Variants in TCERG1L observed in about 807,000 individuals in gnomAD.
The protein encoded by TCERG1L is transcription elongation regulator 1 like.
A neutral mutation model predicts 56.3 loss-of-function variants in TCERG1L; 37 were observed. That is an observed-to-expected ratio of 0.66 (90% CI 0.51 to 0.87). The LOEUF is 0.87. TCERG1L is among the 40% of genes least tolerant of loss of function. The probability of loss-of-function intolerance (pLI) is 0.00; values close to 1 mark genes in which losing one functional copy is unlikely to be tolerated. For missense variants in TCERG1L, 799 were observed against 774.2 expected (o/e 1.03, Z -0.38); for synonymous variants, 324 against 326.3 (o/e 0.99, Z 0.08).
At chr10:131,275,277 G>A (rs1397309367) in intron 3 of TCERG1L, among the ~76,000 whole-genome samples, 2 of 152,150 alleles carry the variant, frequency 1.3e-5, no homozygotes, top group South Asian at 2.1e-4. Context: ...TCCACACACT[G>A]GACAGAATGT....
At chr10:131,185,693 T>C (rs765796222) in intron 4 of TCERG1L, among the ~76,000 whole-genome samples, 2 of 151,798 alleles carry the variant, frequency 1.3e-5, no homozygotes, top group Non-Finnish European at 2.9e-5. Flanking sequence ...AGAGAACACA[T>C]TAAACTCACT....
chr10:131,149,053 C>T (rs1435671496), intron 6 of TCERG1L, among the ~76,000 whole-genome samples: 2 of 152,240 alleles, frequency 1.3e-5, no homozygotes, highest in Non-Finnish European at 2.9e-5. Flanking sequence ...TCCAGCCCTG[C>T]CCTTGACCTA....
intron 11 of TCERG1L, among the ~76,000 whole-genome samples, chr10:131,094,930 CCT>C (rs1236110756): frequency 6.6e-6 from 1 of 152,240 alleles, no homozygotes; most frequent in Non-Finnish European, 1.5e-5. Context: ...CTATTCTGGG[CCT>C]CTCTGAAAAG....
intron 3 of TCERG1L, among the ~76,000 whole-genome samples, chr10:131,275,563 T>C (rs1589769294): frequency 6.6e-6 from 1 of 152,170 alleles, no homozygotes; most frequent in African/African-American, 2.4e-5. Flanking sequence ...GTAAATGTCC[T>C]GATTAAGGAA....
At position 131,251,619 on chromosome 10, in the gene TCERG1L, A is replaced by T. The variant is rs181241059; in HGVS notation, c.856+8640T>A. On this transcript the variant is annotated intron_variant, in intron 4 of 11. Transcript: ENST00000368642. The stretch of plus-strand genomic sequence containing the variant: ...GCAGAGCTGATCAGAGGAAATGCAG[A>T]AATGGAAGGCACCATGAAGGGTATA... 2.0e-3 allele frequency among the ~76,000 whole-genome samples: 306 copies of T among 152,356 alleles called. 4 individuals are homozygous for T. The highest frequency in any genetic ancestry group is 7.1e-3 in the African/African-American group (294 of 41,586).
intron 4 of TCERG1L, among the ~76,000 whole-genome samples, chr10:131,225,345 A>G (rs1845779918): frequency 6.6e-6 from 1 of 152,192 alleles, no homozygotes; most frequent in Non-Finnish European, 1.5e-5. Flanking sequence ...AGACAGGATC[A>G]CGCAGAAGAA....
intron 4 of TCERG1L, among the ~76,000 whole-genome samples, chr10:131,224,901 G>A (rs997220805): frequency 6.6e-6 from 1 of 152,218 alleles, no homozygotes; most frequent in Non-Finnish European, 1.5e-5. Context: ...ACTCTGAATG[G>A]AATAATAAGT....
intron 4 of TCERG1L, among the ~76,000 whole-genome samples, chr10:131,257,588 T>C (rs1383386369): frequency 6.6e-6 from 1 of 152,210 alleles, no homozygotes; most frequent in Non-Finnish European, 1.5e-5. Context: ...AGCAGAGTTC[T>C]AATAATACAA....
At chr10:131,188,683 C>A (rs538758506) in intron 4 of TCERG1L, among the ~76,000 whole-genome samples, 17 of 152,168 alleles carry the variant, frequency 1.1e-4, no homozygotes, top group African/African-American at 4.1e-4. Context: ...TAAATTGTAT[C>A]TACACATGGG....
chr10:131,309,654 A>G (rs1846857649), intron 1 of TCERG1L, among the ~76,000 whole-genome samples: 1 of 152,062 alleles, frequency 6.6e-6, no homozygotes, highest in South Asian at 2.1e-4. Context: ...CTAATTCTTA[A>G]ATTATTTTTA....
intron 1 of TCERG1L, among the ~76,000 whole-genome samples, chr10:131,309,856 A>C (rs78508348): frequency 6.7e-6 from 1 of 150,016 alleles, no homozygotes; most frequent in Admixed American, 6.6e-5. Flanking sequence ...AAAAAAAAAA[A>C]AAACTAAGCA....
intron 6 of TCERG1L, chr10:131,162,806 C>T: frequency 4.3e-6 from 1 of 231,652 alleles, no homozygotes; most frequent in Non-Finnish European, 8.3e-6. Context: ...GGAGGGAAAA[C>T]AGATCTTTTG....
At chr10:131,104,215 T>C (rs1038994508) in intron 10 of TCERG1L, 50 bp downstream of exon 10, 1 of 1,298,200 alleles carries the variant, frequency 7.7e-7, no homozygotes, top group African/African-American at 1.5e-5. Flanking sequence ...GATGCAACAG[T>C]CGCTTTCATG....
intron 4 of TCERG1L, among the ~76,000 whole-genome samples, chr10:131,202,204 C>T (rs577537897): frequency 3.9e-5 from 6 of 152,318 alleles, no homozygotes; most frequent in African/African-American, 1.2e-4. Context: ...ATTGTAACAG[C>T]CCACGTTAGA....
At chr10:131,205,137 G>A (rs976227406) in intron 4 of TCERG1L, among the ~76,000 whole-genome samples, 6 of 152,130 alleles carry the variant, frequency 3.9e-5, no homozygotes, top group Non-Finnish European at 5.9e-5. Context: ...CTTTACTGCC[G>A]TTGTGACTGA....
intron 4 of TCERG1L, among the ~76,000 whole-genome samples, chr10:131,256,927 G>A (rs1317376423): frequency 6.9e-6 from 1 of 144,464 alleles, no homozygotes; most frequent in African/African-American, 2.6e-5. Context: ...AGGAAGGGAA[G>A]GAAGGGAGGG....
rs533343464 is a variant in TCERG1L at position 131,245,790 on chromosome 10, G to A, written c.856+14469C>T. The stretch of plus-strand genomic sequence containing the variant: ...GAGGGGTGCAGTGGGTGGGAAGTGC[G>A]CACGGGGCCTTTGTATCAGAGCTCT... On this transcript the variant is annotated intron_variant, in intron 4 of 11. Coordinates refer to ENST00000368642, the MANE Select transcript of TCERG1L (RefSeq NM_174937.4). 5.4e-4 allele frequency among the ~76,000 whole-genome samples: 82 copies of A among 152,306 alleles called. 1 individual carries two copies. The highest frequency in any genetic ancestry group is 2.5e-3 in the South Asian group (12 of 4,826).
chr10:131,210,113 T>C (rs1439803992), intron 4 of TCERG1L, among the ~76,000 whole-genome samples: 2 of 152,236 alleles, frequency 1.3e-5, no homozygotes, highest in African/African-American at 4.8e-5. Context: ...ATATTCAACA[T>C]GAAATCCATT....
At chr10:131,157,632 T>C (rs1259738747) in intron 6 of TCERG1L, among the ~76,000 whole-genome samples, 2 of 151,740 alleles carry the variant, frequency 1.3e-5, no homozygotes, top group Admixed American at 6.6e-5. Context: ...GAGACTAAAA[T>C]AATAATAATG....
Sources: allele counts gnomAD v4.1 joint callset (sites outside exome capture counted in the v4.1 genomes callset), GRCh38; gene constraint gnomAD v4.1.1; transcripts MANE v1.5; gene names NCBI Gene and HGNC (gene_info 2026-07-23, HGNC 2026-07-21).